Variants in ANKRD36 observed in about 807,000 individuals in gnomAD.
The protein encoded by ANKRD36 is ankyrin repeat domain 36, also known as ankyrin repeat domain-containing protein 36A.
ANKRD36 carries 179 observed loss-of-function variants against 278.1 expected under a neutral mutation model. That is an observed-to-expected ratio of 0.64 (90% CI 0.57 to 0.73). The LOEUF (loss-of-function observed/expected upper bound fraction) is 0.73, where lower values mean the gene tolerates loss of function less well. Among genes scored for constraint, ANKRD36 ranks in the 30% least tolerant of loss-of-function variants. ANKRD36 has a pLI of 0.00. For synonymous variants in ANKRD36, 320 were observed against 641.1 expected, an observed-to-expected ratio of 0.50 and a Z score of 7.57; for missense variants, 1,159 against 1,956.7, an observed-to-expected ratio of 0.59 and a Z score of 7.69.
intron 67 of ANKRD36, among the ~76,000 whole-genome samples, chr2:97,226,549 C>T (rs1414211941): frequency 8.6e-5 from 13 of 151,110 alleles, no homozygotes; most frequent in East Asian, 2.0e-4. Context: ...GAGTAGGTTG[C>T]GAAAATTTTC....
At chr2:97,202,533 C>A in intron 48 of ANKRD36, 140 bp downstream of exon 48, 2 of 1,370,430 alleles carry the variant, frequency 1.5e-6, no homozygotes, top group Non-Finnish European at 2.0e-6. Context: ...GTAGTAAGTT[C>A]TTGGGTGATG....
rs2924031 is a variant in ANKRD36, at chr2:97,174,273, A to T, written c.1634-5465A>T. ...CATGAGTATAAATAAAATGATTTTT[A>T]AAATTATAACTCTTAGATTAAGTGA... On this transcript the variant is annotated intron_variant, in intron 22 of 75. Transcript: ENST00000420699. Among the ~76,000 whole-genome samples the T allele has an allele frequency of 4.7e-4, 71 of 151,866 alleles. 1 individual carries two copies. The highest frequency in any genetic ancestry group is 4.5e-3 in the Admixed American group (69 of 15,168).
chr2:97,227,692 C>A (rs1356995860), intron 67 of ANKRD36, among the ~76,000 whole-genome samples: 1 of 152,090 alleles, frequency 6.6e-6, no homozygotes, highest in African/African-American at 2.4e-5. Context: ...GAGGGCATCC[C>A]TGTCTTGTGC....
chr2:97,153,622 CTTCTT>C (rs1270481245), intron 14 of ANKRD36, among the ~76,000 whole-genome samples: 1 of 146,710 alleles, frequency 6.8e-6, no homozygotes, highest in Admixed American at 6.8e-5. Context: ...AAAACGCAGT[CTTCTT>C]TTACATCATT....
chr2:97,176,078 G>C (rs898892735), intron 22 of ANKRD36, among the ~76,000 whole-genome samples: 4 of 151,702 alleles, frequency 2.6e-5, no homozygotes, highest in African/African-American at 9.7e-5. Flanking sequence ...GTGTGGTGTG[G>C]TGCTGAAAAA....
At chr2:97,164,183 G>T in intron 18 of ANKRD36, 100 bp from the exon 19 acceptor site, 1 of 1,491,196 alleles carries the variant, frequency 6.7e-7, no homozygotes, top group Non-Finnish European at 8.9e-7. Context: ...AATTTCAAGG[G>T]CAAGCACGAA....
intron 17 of ANKRD36, among the ~76,000 whole-genome samples, chr2:97,159,787 T>A (rs62153877): frequency 6.7e-6 from 1 of 150,350 alleles, no homozygotes; most frequent in Non-Finnish European, 1.5e-5. Flanking sequence ...AATTTCTGGT[T>A]AATTTTTTTT....
chr2:97,126,320 G>A (rs908109550), intron 5 of ANKRD36, among the ~76,000 whole-genome samples: 6 of 147,412 alleles, frequency 4.1e-5, no homozygotes, highest in African/African-American at 1.5e-4. Flanking sequence ...AGAGTCTGTA[G>A]AGAAGTAATA....
At chr2:97,225,396 A>G (rs1160274775) in intron 67 of ANKRD36, among the ~76,000 whole-genome samples, 1 of 152,096 alleles carries the variant, frequency 6.6e-6, no homozygotes, top group Non-Finnish European at 1.5e-5. Context: ...CCAACTGGCT[A>G]TCAAGAGAAT....
At chr2:97,215,821 A>G (rs538680545) in intron 62 of ANKRD36, 1 of 618,820 alleles carries the variant, frequency 1.6e-6, no homozygotes, top group South Asian at 2.0e-5. Context: ...GGAGAAAGAG[A>G]TGAAGTAATA....
At chr2:97,192,690 T>C (rs184743221) in intron 36 of ANKRD36, among the ~76,000 whole-genome samples, 168 bp from the exon 37 acceptor site, 147 of 151,900 alleles carry the variant, frequency 9.7e-4, no homozygotes, top group African/African-American at 3.3e-3. Flanking sequence ...TATTCCCTTT[T>C]TTCAGTGTAT....
intron 37 of ANKRD36, 37 bp from the exon 38 acceptor site, chr2:97,192,940 ATACT>A: frequency 6.3e-7 from 1 of 1,593,128 alleles, no homozygotes; most frequent in East Asian, 2.3e-5. Flanking sequence ...TCTATGAAAC[ATACT>A]TTATTAATTT....
intron 17 of ANKRD36, 101 bp from the exon 18 acceptor site, chr2:97,161,998 G>C (rs1240113269): frequency 1.8e-6 from 2 of 1,138,200 alleles, no homozygotes; most frequent in Non-Finnish European, 2.3e-6. Context: ...TTCCAGTATA[G>C]ACCTTATGAA....
At chr2:97,116,394 C>T (rs1317797369) in intron 1 of ANKRD36, among the ~76,000 whole-genome samples, 1 of 151,962 alleles carries the variant, frequency 6.6e-6, no homozygotes, top group African/African-American at 2.4e-5. Flanking sequence ...CCACCTCAGC[C>T]TCCTGAGTAG....
intron 66 of ANKRD36, 125 bp from the exon 67 acceptor site, chr2:97,224,681 A>T: frequency 2.1e-6 from 2 of 935,596 alleles, no homozygotes; most frequent in South Asian, 2.1e-5. Flanking sequence ...CGATCTCCTG[A>T]CCTCGTGATC....
At position 97,193,019 on chromosome 2, in the gene ANKRD36, C is replaced by T; in HGVS notation, c.2415C>T (p.Ala805=). The change falls in exon 38 of 76, where the codon GCC becomes GCT. Residue 805 remains alanine (A), a synonymous_variant. Coordinates refer to ENST00000420699, the MANE Select transcript of ANKRD36 (RefSeq NM_001354587.1). ...AGGAAGGTTCTGTTTTGAGTATAGC[C>T]AGAGAAAACAAGGATGGAGAAAAAT... ...SDEEGSVLSI[A]RENKDGEKSR... is the part of the protein sequence containing the mutation. 6.4e-7 allele frequency: 1 copy of T among 1,572,998 alleles called. No individual in the cohort carries two copies. The highest frequency in any genetic ancestry group is 1.2e-5 in the South Asian group (1 of 86,470).
At chr2:97,226,608 G>A (rs1391015652) in intron 67 of ANKRD36, among the ~76,000 whole-genome samples, 1 of 152,032 alleles carries the variant, frequency 6.6e-6, no homozygotes, top group Non-Finnish European at 1.5e-5. Flanking sequence ...TTCTTTTGCT[G>A]TGCAAAATCT....
chr2:97,227,990 T>G (rs1456263794), intron 67 of ANKRD36, among the ~76,000 whole-genome samples: 1 of 152,112 alleles, frequency 6.6e-6, no homozygotes, highest in Non-Finnish European at 1.5e-5. Context: ...TGAAGCCCAC[T>G]TGATCATGGT....
At chr2:97,202,160 A>C in intron 46 of ANKRD36, 42 bp from the exon 47 acceptor site, 3 of 1,606,752 alleles carry the variant, frequency 1.9e-6, no homozygotes, top group Non-Finnish European at 2.5e-6. Flanking sequence ...AATCTTTGTC[A>C]TATTTACGTA....
Sources: gnomAD v4.1 joint callset for allele counts (sites outside exome capture counted in the v4.1 genomes callset) on GRCh38, gnomAD v4.1.1 for gene constraint, MANE v1.5 for transcripts, NCBI Gene and HGNC (gene_info 2026-07-23, HGNC 2026-07-21) for gene names.